The following WDR59 variants were observed in gnomAD, a reference collection of about 807,000 sequenced individuals.
The protein encoded by WDR59 is WD repeat domain 59.
Under a neutral mutation model 131.2 loss-of-function variants are expected in WDR59, and 100 were observed. The observed-to-expected ratio is 0.76, with a 90% CI of 0.65 to 0.90. The LOEUF is 0.90. Among genes scored for constraint, WDR59 ranks in the 40% least tolerant of loss-of-function variants. The pLI, the probability that WDR59 is intolerant of heterozygous loss-of-function variation, is 0.00. For missense variants in WDR59, 1,203 were observed against 1,262.2 expected, an observed-to-expected ratio of 0.95 and a Z score of 0.71; for synonymous variants, 601 against 466.2, an observed-to-expected ratio of 1.29 and a Z score of -3.72.
At chr16:74,914,623 T>C (rs1194378636) in intron 13 of WDR59, among the ~76,000 whole-genome samples, 1 of 151,952 alleles carries the variant, frequency 6.6e-6, no homozygotes, top group African/African-American at 2.4e-5. Context: ...AGACGGAGTC[T>C]TGCTCTGTCG....
chr16:74,917,301 G>A (rs536004314), intron 11 of WDR59, among the ~76,000 whole-genome samples: 3 of 152,316 alleles, frequency 2.0e-5, no homozygotes, highest in African/African-American at 4.8e-5. Flanking sequence ...GCGTACAAGG[G>A]TAGGCTTCTT....
chr16:74,933,808 C>T (rs995794487), intron 8 of WDR59, among the ~76,000 whole-genome samples: 1 of 152,222 alleles, frequency 6.6e-6, no homozygotes, highest in Non-Finnish European at 1.5e-5. Context: ...TAGTCACGAA[C>T]TTCTGACCTC....
intron 17 of WDR59, among the ~76,000 whole-genome samples, chr16:74,905,548 G>A (rs1965765060): frequency 6.6e-6 from 1 of 151,614 alleles, no homozygotes; most frequent in South Asian, 2.1e-4. Context: ...CAGGCGTGGT[G>A]GCGGGCGCCT....
intron 17 of WDR59, among the ~76,000 whole-genome samples, chr16:74,908,046 G>C (rs945448655): frequency 6.6e-6 from 1 of 152,096 alleles, no homozygotes; most frequent in Non-Finnish European, 1.5e-5. Context: ...ATAATGACTA[G>C]ACAGAAACAT....
chr16:74,881,473 T>C (rs922778093), intron 25 of WDR59, among the ~76,000 whole-genome samples: 1 of 152,126 alleles, frequency 6.6e-6, no homozygotes, highest in Non-Finnish European at 1.5e-5. Flanking sequence ...ATTACAGGTG[T>C]GTGCAGCTGC....
At chr16:74,950,328 A>AAAACAAAC (rs377750138) in intron 4 of WDR59, among the ~76,000 whole-genome samples, 4 of 152,096 alleles carry the variant, frequency 2.6e-5, no homozygotes, top group African/African-American at 9.7e-5. Context: ...ACTCCATCTC[A>AAAACAAAC]AAACAAACAA....
At chr16:74,891,650 T>C (rs1965048345) in intron 20 of WDR59, among the ~76,000 whole-genome samples, 1 of 152,136 alleles carries the variant, frequency 6.6e-6, no homozygotes, top group Non-Finnish European at 1.5e-5. Context: ...AGACTGGGTG[T>C]GGTGGCTCAC....
In WDR59 at chr16:74,907,906, G is replaced by C. The variant is rs1027274547; in HGVS notation, c.1712+1002C>G. ...TTGAAGGAACTGAAGCTGAAGTTTA[G>C]ATAACTTGCCCAAGGTCATAAAATG... On this transcript the variant is annotated intron_variant, in intron 17 of 25. Transcript: ENST00000262144. Among the ~76,000 whole-genome samples the C allele has an allele frequency of 3.3e-5, 5 of 152,312 alleles. No individual in the cohort carries two copies. The East Asian group carries it at 7.7e-4, about 23-fold the overall frequency.
rs2144730265 is a variant in WDR59 at position 74,872,122 on chromosome 16, G to C, written c.*2087C>G. 1 of 152,310 alleles carries C rather than the reference G, an allele frequency of 6.6e-6. No individual in the cohort carries two copies. The highest frequency in any genetic ancestry group is 2.4e-5 in the African/African-American group (1 of 41,550). The allele number at this position is 152,310 out of a possible 1,614,324, so 9.4% of individuals were successfully genotyped here. On this transcript the variant is annotated 3_prime_UTR_variant, in exon 26 of 26. Transcript: ENST00000262144. ...CAAGTTACACAAAACATTTTCCTTA[G>C]CTATGTATGGTACATTGTGATCATT... is the stretch of plus-strand genomic sequence containing the variant.
intron 2 of WDR59, among the ~76,000 whole-genome samples, chr16:74,958,684 A>G (rs1032744169): frequency 2.0e-5 from 3 of 149,926 alleles, no homozygotes; most frequent in Non-Finnish European, 4.4e-5. Context: ...GCTTCCCCCC[A>G]ACTGGAGGCT....
intron 6 of WDR59, among the ~76,000 whole-genome samples, chr16:74,944,078 G>A (rs2032431593): frequency 6.6e-6 from 1 of 152,146 alleles, no homozygotes; most frequent in African/African-American, 2.4e-5. Context: ...AAGAGTCCAA[G>A]AGAACACACC....
At chr16:74,976,146 C>T (rs1393857948) in intron 1 of WDR59, among the ~76,000 whole-genome samples, 1 of 152,180 alleles carries the variant, frequency 6.6e-6, no homozygotes, top group Non-Finnish European at 1.5e-5. Context: ...GGAACCGAAG[C>T]TGGATTGCTC....
chr16:74,950,411 A>G (rs182563594), intron 4 of WDR59, among the ~76,000 whole-genome samples: 191 of 152,360 alleles, frequency 1.3e-3, no homozygotes, highest in Middle Eastern at 3.4e-3. Flanking sequence ...AGTAATCTTT[A>G]TCATTTTCTA....
chr16:74,894,159 T>A (rs577449887), intron 18 of WDR59, among the ~76,000 whole-genome samples: 1 of 152,306 alleles, frequency 6.6e-6, no homozygotes, highest in South Asian at 2.1e-4. Flanking sequence ...TAGATTGAAT[T>A]CAGTCCTAGG....
chr16:74,967,360 A>T (rs1210002294), intron 1 of WDR59, among the ~76,000 whole-genome samples: 1 of 152,176 alleles, frequency 6.6e-6, no homozygotes, highest in Non-Finnish European at 1.5e-5. Flanking sequence ...GATGATAAGG[A>T]GGAGGGCAAG....
At chr16:74,948,629 C>G (rs1387286476) in intron 5 of WDR59, 73 bp from the exon 6 acceptor site, 11 of 1,257,886 alleles carry the variant, frequency 8.7e-6, no homozygotes, top group Non-Finnish European at 1.3e-5. Context: ...TCACCCTTTG[C>G]ACACAATTCT....
At position 74,951,071 on chromosome 16, in the gene WDR59, A is replaced by G. The variant is rs374082462; in HGVS notation, c.326+387T>C. ...GCTATTCTGGAGGCTGAGGCAGGACAATCACTTGAACCCAGGAAGCGGTGG... is the reference window on the plus strand; with the variant it reads ...GCTATTCTGGAGGCTGAGGCAGGACGATCACTTGAACCCAGGAAGCGGTGG... On this transcript the variant is annotated intron_variant, in intron 4 of 25. Coordinates refer to ENST00000262144, the MANE Select transcript of WDR59 (RefSeq NM_030581.4). Among the ~76,000 whole-genome samples, 9 of 151,382 alleles carry G rather than the reference A, an allele frequency of 5.9e-5. No homozygotes were observed. The East Asian group carries it at 1.2e-3, about 20-fold the overall frequency.
chr16:74,973,171 G>A (rs1400201197), intron 1 of WDR59, among the ~76,000 whole-genome samples: 1 of 152,086 alleles, frequency 6.6e-6, no homozygotes, highest in Non-Finnish European at 1.5e-5. Flanking sequence ...AACCCGGGAG[G>A]TAGAGGTTGC....
chr16:74,904,071 G>A lies in WDR59; in HGVS notation c.1742C>T (p.Thr581Ile). ...RSLSALSAYH[T>I]GLIAPMKIRT... The stretch of plus-strand genomic sequence containing the variant: ...GATCTTCATGGGCGCGATCAAGCCA[G>A]TGTGATAAGCAGACAAGGCTGAGAG... The change falls in exon 18 of 26, where the codon ACT (threonine) becomes ATT (isoleucine). Residue 581 changes from threonine (T) to isoleucine (I), a missense_variant. Physicochemically the swap from Thr to Ile is moderately conservative, Grantham distance 89. Transcript: ENST00000262144. 6.2e-7 allele frequency: 1 copy of A among 1,613,618 alleles called. No individual in the cohort carries two copies. The highest frequency in any genetic ancestry group is 8.5e-7 in the Non-Finnish European group (1 of 1,179,882).
Sources: gnomAD v4.1 joint callset for allele counts (sites outside exome capture counted in the v4.1 genomes callset) on GRCh38, gnomAD v4.1.1 for gene constraint, MANE v1.5 for transcripts, NCBI Gene and HGNC (gene_info 2026-07-23, HGNC 2026-07-21) for gene names.